Variants in ADGRB3 observed in about 807,000 individuals in gnomAD.
ADGRB3 encodes the protein brain-specific angiogenesis inhibitor 3.
In ADGRB3, 37 loss-of-function variants were observed where a neutral mutation model predicts 193.4. The observed-to-expected ratio is 0.19, with a 90% CI of 0.15 to 0.25. ADGRB3 has a LOEUF of 0.25. Among genes scored for constraint, ADGRB3 ranks in the 10% least tolerant of loss-of-function variants. The pLI is 1.00. For missense variants in ADGRB3, 1,637 were observed against 1,852.9 expected, an observed-to-expected ratio of 0.88 and a Z score of 2.14; for synonymous variants, 690 against 644.2, an observed-to-expected ratio of 1.07 and a Z score of -1.08.
At chr6:69,069,341 T>C (rs1202231618) in intron 16 of ADGRB3, among the ~76,000 whole-genome samples, 1 of 151,858 alleles carries the variant, frequency 6.6e-6, no homozygotes, top group African/African-American at 2.4e-5. Context: ...TCCCTCTCAC[T>C]GATCAACTAT....
chr6:68,857,437 C>G (rs1167684169), intron 3 of ADGRB3, among the ~76,000 whole-genome samples: 1 of 152,158 alleles, frequency 6.6e-6, no homozygotes, highest in Non-Finnish European at 1.5e-5. Context: ...TCAGTTTGAC[C>G]TGAATGTAAG....
At chr6:68,908,593 A>G (rs139290145) in intron 3 of ADGRB3, among the ~76,000 whole-genome samples, 240 of 152,206 alleles carry the variant, frequency 1.6e-3, no homozygotes, top group South Asian at 6.0e-3. Flanking sequence ...ATATCATCAT[A>G]TTGACAGTCT....
rs754438943 is a variant in ADGRB3, at chr6:69,007,666, ATC to A, written c.1930-6345_1930-6344del. Among the ~76,000 whole-genome samples, 334 of 140,672 alleles carry A rather than the reference ATC, an allele frequency of 2.4e-3. 3 individuals are homozygous for A. In the East Asian group the frequency reaches 0.031, roughly 13 times the overall value. The allele number at this position is 140,672 out of a possible 152,430, so 92.3% of individuals were successfully genotyped here. A position where few individuals can be genotyped will look rare whatever the true frequency, so the allele number is the denominator to read the frequency against. On this transcript the variant is annotated intron_variant, in intron 11 of 31. Transcript: ENST00000370598. Reference sequence around the variant, plus strand: ...CCTGATGACTATCTAATCTAAAGTAATCTCTCTCTCTCTCTCTCTCTCTCTCT... The same window carrying A: ...CCTGATGACTATCTAATCTAAAGTAATCTCTCTCTCTCTCTCTCTCTCTCT...
chr6:69,237,202 A>G (rs773833385), intron 19 of ADGRB3, among the ~76,000 whole-genome samples: 1 of 152,008 alleles, frequency 6.6e-6, no homozygotes, highest in South Asian at 2.1e-4. Context: ...GTACTGTATA[A>G]TATTACTGTA....
intron 3 of ADGRB3, among the ~76,000 whole-genome samples, chr6:68,720,625 T>A (rs147992717): frequency 4.0e-5 from 6 of 151,818 alleles, no homozygotes; most frequent in African/African-American, 1.4e-4. Flanking sequence ...TAAAACCAAG[T>A]GCATTCTTTG....
At chr6:68,847,847 G>C (rs1298796115) in intron 3 of ADGRB3, among the ~76,000 whole-genome samples, 1 of 151,792 alleles carries the variant, frequency 6.6e-6, no homozygotes, top group Admixed American at 6.6e-5. Context: ...TAGAAAGTAA[G>C]TTCAGAAGGA....
At chr6:68,825,867 T>A (rs1296343095) in intron 3 of ADGRB3, among the ~76,000 whole-genome samples, 1 of 152,212 alleles carries the variant, frequency 6.6e-6, no homozygotes, top group Non-Finnish European at 1.5e-5. Flanking sequence ...TAAACCTTTT[T>A]CCTTTATAAA....
At chr6:69,213,820 C>T (rs1178454011) in intron 17 of ADGRB3, among the ~76,000 whole-genome samples, 1 of 152,090 alleles carries the variant, frequency 6.6e-6, no homozygotes, top group Non-Finnish European at 1.5e-5. Flanking sequence ...TGTGATACAG[C>T]ATTTACTATT....
chr6:68,640,134 G>A (rs1338407896), intron 3 of ADGRB3, among the ~76,000 whole-genome samples: 6 of 152,162 alleles, frequency 3.9e-5, no homozygotes, highest in Non-Finnish European at 8.8e-5. Context: ...ACCTGAGGAC[G>A]GGGTGGAGGG....
chr6:69,368,697 A>AG (rs201041642), intron 29 of ADGRB3, among the ~76,000 whole-genome samples: 5,247 of 152,170 alleles, frequency 0.034, 155 homozygotes, highest in Admixed American at 0.094. Flanking sequence ...AGCAAGAAAG[A>AG]GGGGGAAAAA....
At chr6:69,138,395 G>C (rs980571575) in intron 17 of ADGRB3, among the ~76,000 whole-genome samples, 11 of 152,164 alleles carry the variant, frequency 7.2e-5, no homozygotes, top group African/African-American at 2.7e-4. Flanking sequence ...TAATGACTCT[G>C]ACATGGTACC....
intron 17 of ADGRB3, among the ~76,000 whole-genome samples, chr6:69,161,854 A>C (rs1246803104): frequency 6.6e-6 from 1 of 152,116 alleles, no homozygotes; most frequent in East Asian, 1.9e-4. Context: ...TAGCTTCTCC[A>C]TAGAGCAACT....
intron 20 of ADGRB3, among the ~76,000 whole-genome samples, chr6:69,243,868 T>C (rs1268697743): frequency 1.3e-5 from 2 of 152,002 alleles, no homozygotes; most frequent in Non-Finnish European, 2.9e-5. Flanking sequence ...TATAGTATCA[T>C]ACTGAAAATA....
chr6:69,138,718 T>C (rs1774224159), intron 17 of ADGRB3, among the ~76,000 whole-genome samples: 1 of 152,178 alleles, frequency 6.6e-6, no homozygotes, highest in African/African-American at 2.4e-5. Flanking sequence ...GTTTATAAAA[T>C]GCTAGGTTAA....
At chr6:69,053,950 T>C (rs1771471386) in intron 15 of ADGRB3, among the ~76,000 whole-genome samples, 1 of 152,224 alleles carries the variant, frequency 6.6e-6, no homozygotes, top group Non-Finnish European at 1.5e-5. Flanking sequence ...ATTCATTTAA[T>C]AAGTTCAGCT....
chr6:68,843,822 G>A (rs12200405), intron 3 of ADGRB3, among the ~76,000 whole-genome samples: 20,411 of 152,118 alleles, frequency 0.13, 1,818 homozygotes, highest in Middle Eastern at 0.2. Flanking sequence ...CATAAAAACA[G>A]ACACATAGAC....
intron 3 of ADGRB3, among the ~76,000 whole-genome samples, chr6:68,768,382 A>G (rs1766552541): frequency 6.6e-6 from 1 of 151,960 alleles, no homozygotes. Flanking sequence ...TCAGAAAAAC[A>G]CCACACACCT....
intron 3 of ADGRB3, among the ~76,000 whole-genome samples, chr6:68,762,872 C>T (rs1346002862): frequency 6.6e-6 from 1 of 152,106 alleles, no homozygotes; most frequent in African/African-American, 2.4e-5. Flanking sequence ...CTATTAATCA[C>T]ATTACTCTGT....
At chr6:68,927,151 C>T (rs564688939) in intron 3 of ADGRB3, among the ~76,000 whole-genome samples, 1 of 151,738 alleles carries the variant, frequency 6.6e-6, no homozygotes, top group Admixed American at 6.5e-5. Context: ...ATTCATAAAC[C>T]ATGTACCATG....
Sources: gnomAD v4.1 joint callset for allele counts (sites outside exome capture counted in the v4.1 genomes callset) on GRCh38, gnomAD v4.1.1 for gene constraint, MANE v1.5 for transcripts, NCBI Gene and HGNC (gene_info 2026-07-23, HGNC 2026-07-21) for gene names.